Variants in ZNF704 observed in about 807,000 individuals in gnomAD.
ZNF704 encodes the protein zinc finger protein 704, also known as glucocorticoid induced gene 1.
A neutral mutation model predicts 44.7 loss-of-function variants in ZNF704; 10 were observed. That is an observed-to-expected ratio of 0.22 (90% CI 0.14 to 0.38). ZNF704 has a LOEUF of 0.38. Ranked by LOEUF, ZNF704 falls within the 10% of genes least tolerant of loss-of-function variation. The pLI is 1.00. For synonymous variants in ZNF704, 211 were observed against 207.6 expected, an observed-to-expected ratio of 1.02 and a Z score of -0.14; for missense variants, 390 against 545.5, an observed-to-expected ratio of 0.71 and a Z score of 2.84.
chr8:80,830,402 T>C (rs1259786741), intron 1 of ZNF704, among the ~76,000 whole-genome samples: 1 of 152,168 alleles, frequency 6.6e-6, no homozygotes, highest in African/African-American at 2.4e-5. Context: ...ATTCCATTCA[T>C]ATGAGATTTC....
At chr8:80,717,570 T>C (rs191461560) in intron 2 of ZNF704, among the ~76,000 whole-genome samples, 79 of 152,362 alleles carry the variant, frequency 5.2e-4, no homozygotes, top group African/African-American at 1.8e-3. Context: ...TCTTCCTCTT[T>C]GCCAATCTGA....
intron 3 of ZNF704, among the ~76,000 whole-genome samples, chr8:80,690,033 A>C (rs988249038): frequency 6.6e-6 from 1 of 151,360 alleles, no homozygotes; most frequent in Non-Finnish European, 1.5e-5. Flanking sequence ...TTGATGTGCA[A>C]TAATTCTAGA....
chr8:80,833,518 G>A (rs999095956), intron 1 of ZNF704, among the ~76,000 whole-genome samples: 3 of 152,066 alleles, frequency 2.0e-5, no homozygotes, highest in Non-Finnish European at 2.9e-5. Flanking sequence ...TATGTTGGAC[G>A]GCAAATCTAT....
At chr8:80,867,193 A>G (rs1035471467) in intron 1 of ZNF704, among the ~76,000 whole-genome samples, 20 of 152,176 alleles carry the variant, frequency 1.3e-4, no homozygotes, top group African/African-American at 4.1e-4. Context: ...TGGAAAGCTC[A>G]CAGGGAGCGG....
At chr8:80,732,972 A>G (rs1040155362) in intron 2 of ZNF704, among the ~76,000 whole-genome samples, 47 of 151,182 alleles carry the variant, frequency 3.1e-4, no homozygotes, top group Admixed American at 7.2e-4. Context: ...AAAAAAAAAA[A>G]AGAGAACCAG....
intron 2 of ZNF704, among the ~76,000 whole-genome samples, chr8:80,753,049 T>C (rs1806974502): frequency 6.6e-6 from 1 of 152,258 alleles, no homozygotes; most frequent in Admixed American, 6.5e-5. Flanking sequence ...TGTTTTTTTA[T>C]ACCTTTTATA....
chr8:80,745,101 T>C (rs896092341), intron 2 of ZNF704, among the ~76,000 whole-genome samples: 2 of 152,224 alleles, frequency 1.3e-5, no homozygotes, highest in South Asian at 4.1e-4. Flanking sequence ...CCATTTCTTC[T>C]ATTCCTACAA....
intron 2 of ZNF704, among the ~76,000 whole-genome samples, chr8:80,802,588 A>C (rs192169563): frequency 0.22 from 33,460 of 151,964 alleles, 5,273 homozygotes; most frequent in African/African-American, 0.45. Flanking sequence ...AAGACAAAAA[A>C]CACAAAATTA....
chr8:80,821,125 T>C (rs1015837972), intron 2 of ZNF704, among the ~76,000 whole-genome samples: 4 of 152,244 alleles, frequency 2.6e-5, no homozygotes, highest in Non-Finnish European at 2.9e-5. Flanking sequence ...CTCTTTATTA[T>C]TCATTTATTA....
chr8:80,860,677 A>C (rs1187569415), intron 1 of ZNF704, among the ~76,000 whole-genome samples: 1 of 152,218 alleles, frequency 6.6e-6, no homozygotes, highest in Non-Finnish European at 1.5e-5. Context: ...GTTAGACAAG[A>C]TCTTCTGTCC....
Position 80,825,736 on chromosome 8 carries a change from A to ACAAT in ZNF704, c.-21-4122_-21-4121insATTG, listed in dbSNP as rs1264859329. ...ATTATAACAAACTGTCTCTCAGACC[A>ACAAT]CAGTGCAATCAAACTAGAACTCAGG... On this transcript the variant is annotated intron_variant, in intron 1 of 8. Transcript: ENST00000327835. 9.8e-5 allele frequency among the ~76,000 whole-genome samples: 15 copies of ACAAT among 152,360 alleles called. No individual in the cohort carries two copies. In the East Asian group the frequency reaches 1.2e-3, roughly 12 times the overall value.
intron 2 of ZNF704, among the ~76,000 whole-genome samples, chr8:80,733,229 T>C (rs1394427750): frequency 1.3e-5 from 2 of 152,198 alleles, no homozygotes; most frequent in African/African-American, 4.8e-5. Flanking sequence ...TAAACATTTT[T>C]AAAAGTGTGT....
chr8:80,667,572 G>C (rs555192838), intron 5 of ZNF704, among the ~76,000 whole-genome samples: 4 of 152,298 alleles, frequency 2.6e-5, no homozygotes, highest in Non-Finnish European at 4.4e-5. Flanking sequence ...TCTGTATTTT[G>C]TTAAACCTCT....
At chr8:80,848,222 C>G (rs1808798319) in intron 1 of ZNF704, among the ~76,000 whole-genome samples, 2 of 152,068 alleles carry the variant, frequency 1.3e-5, no homozygotes, top group Non-Finnish European at 2.9e-5. Flanking sequence ...ATTAGTTATC[C>G]CAGGGGTTAG....
chr8:80,684,270 A>C (rs1237758098), intron 4 of ZNF704, among the ~76,000 whole-genome samples: 1 of 152,190 alleles, frequency 6.6e-6, no homozygotes, highest in Non-Finnish European at 1.5e-5. Flanking sequence ...TTTTTTGCTC[A>C]TGAGCCACAA....
intron 1 of ZNF704, among the ~76,000 whole-genome samples, chr8:80,839,479 C>A (rs1808639247): frequency 6.6e-6 from 1 of 152,178 alleles, no homozygotes; most frequent in Admixed American, 6.5e-5. Context: ...ACTAGCTGCA[C>A]AGATGACTAA....
chr8:80,706,772 A>T (rs531197014), intron 2 of ZNF704, among the ~76,000 whole-genome samples: 1 of 152,336 alleles, frequency 6.6e-6, no homozygotes, highest in Admixed American at 6.5e-5. Context: ...TTTCATTGTA[A>T]CTTTAAATTT....
intron 6 of ZNF704, among the ~76,000 whole-genome samples, chr8:80,660,487 AC>A (rs966983853): frequency 4.7e-5 from 7 of 150,224 alleles, no homozygotes; most frequent in African/African-American, 1.5e-4. Context: ...AAAAAAAAAA[AC>A]CTGGAAATAA....
At chr8:80,739,054 CAG>C (rs1285623860) in intron 2 of ZNF704, among the ~76,000 whole-genome samples, 1 of 152,120 alleles carries the variant, frequency 6.6e-6, no homozygotes, top group Non-Finnish European at 1.5e-5. Context: ...ACTGAAGATT[CAG>C]GTTATTTAGC....
Sources: allele counts gnomAD v4.1 joint callset (sites outside exome capture counted in the v4.1 genomes callset), GRCh38; gene constraint gnomAD v4.1.1; transcripts MANE v1.5; gene names NCBI Gene and HGNC (gene_info 2026-07-23, HGNC 2026-07-21).